Variants in IFNA10 observed in about 807,000 individuals in gnomAD.
IFNA10 encodes interferon alpha-10.
For missense variants in IFNA10, 246 were observed against 213.0 expected (o/e 1.15, Z -0.96); for synonymous variants, 96 against 83.7 (o/e 1.15, Z -0.80).
At position 21,206,490 on chromosome 9, in the gene IFNA10, A is replaced by G; in HGVS notation, c.*38T>C. 1.2e-6 allele frequency: 2 copies of G among 1,608,846 alleles called. No homozygotes were observed. The highest frequency in any genetic ancestry group is 1.7e-6 in the Non-Finnish European group (2 of 1,178,818). The stretch of plus-strand genomic sequence containing the variant: ...AACTCATGAAAGTGTGAGATAATGT[A>G]TTAGTCAATCAGGATCATTGCCATG... On this transcript the variant is annotated 3_prime_UTR_variant, in exon 1 of 1. Coordinates refer to ENST00000357374, the MANE Select transcript of IFNA10 (RefSeq NM_002171.2).
Position 21,206,595 on chromosome 9 carries a change from C to G in IFNA10, c.503G>C (p.Arg168Thr), listed in dbSNP as rs371957607. 6.2e-7 allele frequency: 1 copy of G among 1,613,814 alleles called. No homozygotes were observed. Among genetic ancestry groups the G allele is most frequent in the Non-Finnish European group, 8.5e-7 (1 of 1,180,020 alleles). Residue 168 changes from arginine to threonine, a missense_variant, in exon 1 of 1, where the codon AGA (arginine) becomes ACA (threonine). Physicochemically the swap from Arg to Thr is moderately conservative, Grantham distance 71 (BLOSUM62 -1). Transcript: ENST00000357374. ...CGAGAGGGATCTCATGATTTCTGCT[C>G]TGACAACCTCCCAGGCACAAGGGCT... ...KYSPCAWEVV[R>T]AEIMRSLSFS... is the part of the protein sequence containing the mutation.
In IFNA10 at chr9:21,206,891, G is replaced by C. The variant is rs1398438828; in HGVS notation, c.207C>G (p.Asn69Lys). 6.2e-7 allele frequency: 1 copy of C among 1,613,788 alleles called. No homozygotes were observed. Among genetic ancestry groups the C allele is most frequent in the Non-Finnish European group, 8.5e-7 (1 of 1,179,952 alleles). ...AGATGGCTTGAGCCTTCTGGAACTG[G>C]TTGCCATCAAACTCCTCCTGGGGGA... The part of the protein sequence containing the change: ...FRIPQEEFDG[N>K]QFQKAQAISV... Residue 69 changes from asparagine to lysine, a missense_variant, in exon 1 of 1, where the codon AAC becomes AAG. Coordinates refer to ENST00000357374, the MANE Select transcript of IFNA10 (RefSeq NM_002171.2).
rs1042476344 is a variant in IFNA10 at position 21,206,732 on chromosome 9, A to G, written c.366T>C (p.Cys122=). Reference sequence around the variant, plus strand: ...CTTCCACCCCAACCTCCTGTATCACACATGCTTCCAGGTCATTCAGTTGCT... The same window carrying G: ...CTTCCACCCCAACCTCCTGTATCACGCATGCTTCCAGGTCATTCAGTTGCT... The part of the protein sequence containing the change: ...LYQQLNDLEA[C]VIQEVGVEET... The change falls in exon 1 of 1, where the codon TGT becomes TGC. Residue 122 remains cysteine (C), a synonymous_variant. Coordinates refer to ENST00000357374, the MANE Select transcript of IFNA10 (RefSeq NM_002171.2). 16 of 1,613,282 alleles carry G rather than the reference A, an allele frequency of 9.9e-6. No homozygotes were observed. In the African/African-American group the frequency reaches 1.3e-4, roughly 14 times the overall value.
chr9:21,206,409 T>A lies in IFNA10; in HGVS notation c.*119A>T, dbSNP rs1049890870. On this transcript the variant is annotated 3_prime_UTR_variant, in exon 1 of 1. Coordinates refer to ENST00000357374, the MANE Select transcript of IFNA10 (RefSeq NM_002171.2). ...CACTTCTTTACACTGCTGAAAACAT[T>A]TGAAAATTTTGATTCAACGCGTCGT... 7.2e-6 allele frequency: 11 copies of A among 1,525,704 alleles called. No homozygotes were observed. The African/African-American group carries it at 1.4e-4, about 19-fold the overall frequency. The allele number at this position is 1,525,704 out of a possible 1,614,324, so 94.5% of individuals were successfully genotyped here.
chr9:21,207,094 C>T lies in IFNA10; in HGVS notation c.4G>A (p.Ala2Thr), dbSNP rs771767771. Residue 2 changes from alanine to threonine, a missense_variant, in exon 1 of 1, where the codon GCC becomes ACC. By Grantham distance (58) the Ala-to-Thr change is moderately conservative (BLOSUM62 0). Transcript: ENST00000357374. MALSFSLLMAVL... is the reference protein window; with the variant it reads MTLSFSLLMAVL... ...GCCATAAGTAAAGAAAAGGACAGGG[C>T]CATTGGGATGTTGCAAATATTGCTA... 1 of 1,596,470 alleles carries T rather than the reference C, an allele frequency of 6.3e-7. No homozygotes were observed. The highest frequency in any genetic ancestry group is 1.8e-5 in the Admixed American group (1 of 56,258).
Position 21,206,719 on chromosome 9 carries a change from C to A in IFNA10, c.379G>T (p.Val127Phe). Residue 127 changes from valine (V) to phenylalanine (F), a missense_variant, in exon 1 of 1, where the codon GTT becomes TTT. Transcript: ENST00000357374. ...NDLEACVIQE[V>F]GVEETPLMNE... ...ATCAGGGGAGTCTCTTCCACCCCAA[C>A]CTCCTGTATCACACATGCTTCCAGG... 1.9e-6 allele frequency: 3 copies of A among 1,613,622 alleles called. No homozygotes were observed. Among genetic ancestry groups the A allele is most frequent in the South Asian group, 2.2e-5 (2 of 91,052 alleles).
rs1482500622 is a variant in IFNA10 at position 21,206,381 on chromosome 9, C to A, written c.*147G>T. 66 of 1,332,904 alleles carry A rather than the reference C, an allele frequency of 5.0e-5. No individual in the cohort carries two copies. Among genetic ancestry groups the A allele is most frequent in the Non-Finnish European group, 6.7e-5 (65 of 971,274 alleles). 82.6% of individuals were successfully genotyped at this position (1,332,904 alleles called of 1,614,324 possible). A position where few individuals can be genotyped will look rare whatever the true frequency, so the allele number is the denominator to read the frequency against. ...GGACTAGTGCCTGCACAGGTATACA[C>A]GACACTTCTTTACACTGCTGAAAAC... is the stretch of plus-strand genomic sequence containing the variant. On this transcript the variant is annotated 3_prime_UTR_variant, in exon 1 of 1. Coordinates refer to ENST00000357374, the MANE Select transcript of IFNA10 (RefSeq NM_002171.2).
chr9:21,207,025 C>A lies in IFNA10; in HGVS notation c.73G>T (p.Asp25Tyr), dbSNP rs1462992393. ...SYKSICSLGC[D>Y]LPQTHSLGNR... ...CCCAGGCTGTGGGTCTGAGGCAGAT[C>A]ACAGCCTAGAGAACAGATGGATTTG... The change falls in exon 1 of 1, where the codon GAT (aspartate) becomes TAT (tyrosine). Residue 25 changes from aspartate to tyrosine, a missense_variant. By Grantham distance (160) the Asp-to-Tyr change is radical. Transcript: ENST00000357374. 6.2e-7 allele frequency: 1 copy of A among 1,612,512 alleles called. No individual in the cohort carries two copies. Among genetic ancestry groups the A allele is most frequent in the South Asian group, 1.1e-5 (1 of 91,020 alleles).
In IFNA10 at chr9:21,207,078, A is replaced by G; in HGVS notation, c.20T>C (p.Leu7Ser). The change falls in exon 1 of 1, where the codon TTA becomes TCA. Residue 7 changes from leucine to serine, a missense_variant. Leu to Ser is a moderately radical substitution (Grantham distance 145). Transcript: ENST00000357374. Reference protein sequence around the residue: MALSFSLLMAVLVLSYK... With the variant: MALSFSSLMAVLVLSYK... The stretch of plus-strand genomic sequence containing the variant: ...GCTGAGCACCAGCACGGCCATAAGT[A>G]AAGAAAAGGACAGGGCCATTGGGAT... 2 of 1,609,684 alleles carry G rather than the reference A, an allele frequency of 1.2e-6. No individual in the cohort carries two copies. Among genetic ancestry groups the G allele is most frequent in the African/African-American group, 1.3e-5 (1 of 74,548 alleles).
Position 21,206,233 on chromosome 9 carries a change from G to A in IFNA10, c.*295C>T, listed in dbSNP as rs1208739033. 6.0e-5 allele frequency: 13 copies of A among 216,050 alleles called. No individual in the cohort carries two copies. 13.4% of individuals were successfully genotyped at this position (216,050 alleles called of 1,614,324 possible). ...AATTAATATATTGGCTAAATATGAAGAACATATATTGTTACATTAACCACA... is the reference window on the plus strand; with the variant it reads ...AATTAATATATTGGCTAAATATGAAAAACATATATTGTTACATTAACCACA... On this transcript the variant is annotated 3_prime_UTR_variant, in exon 1 of 1. Transcript: ENST00000357374.
Position 21,206,325 on chromosome 9 carries a change from G to A in IFNA10, c.*203C>T. The A allele has an allele frequency of 3.5e-6, 2 of 568,258 alleles. No homozygotes were observed. Among genetic ancestry groups the A allele is most frequent in the Non-Finnish European group, 2.8e-6 (1 of 353,520 alleles). 35.2% of individuals were successfully genotyped at this position (568,258 alleles called of 1,614,324 possible). On this transcript the variant is annotated 3_prime_UTR_variant, in exon 1 of 1. Transcript: ENST00000357374. Reference sequence around the variant, plus strand: ...TTAAATAAATATTTAAACAAAAGATGAACAGAGACATCAGAATGGTCATCT... The same window carrying A: ...TTAAATAAATATTTAAACAAAAGATAAACAGAGACATCAGAATGGTCATCT...
At position 21,206,349 on chromosome 9, in the gene IFNA10, C is replaced by T. The variant is rs1818268590; in HGVS notation, c.*179G>A. The T allele has an allele frequency of 3.6e-6, 3 of 829,156 alleles. No homozygotes were observed. Among genetic ancestry groups the T allele is most frequent in the Non-Finnish European group, 5.4e-6 (3 of 553,208 alleles). 51.4% of individuals were successfully genotyped at this position (829,156 alleles called of 1,614,324 possible). ...TGAACAGAGACATCAGAATGGTCATCTGTAAAGGACTAGTGCCTGCACAGG... is the reference window on the plus strand; with the variant it reads ...TGAACAGAGACATCAGAATGGTCATTTGTAAAGGACTAGTGCCTGCACAGG... On this transcript the variant is annotated 3_prime_UTR_variant, in exon 1 of 1. Transcript: ENST00000357374.
In IFNA10 at chr9:21,206,469, C is replaced by G. The variant is rs568586471; in HGVS notation, c.*59G>C. ...AGTGAGTCTTTGAAATGGAAGAACT[C>G]ATGAAAGTGTGAGATAATGTATTAG... On this transcript the variant is annotated 3_prime_UTR_variant, in exon 1 of 1. Transcript: ENST00000357374. 2.5e-6 allele frequency: 4 copies of G among 1,591,400 alleles called. No homozygotes were observed. Among genetic ancestry groups the G allele is most frequent in the South Asian group, 2.3e-5 (2 of 86,938 alleles).
rs10113876 is a variant in IFNA10 at position 21,207,006 on chromosome 9, C to G, written c.92G>C (p.Ser31Thr). ...TATCAAGGCCCTCCTATTACCCAGG[C>G]TGTGGGTCTGAGGCAGATCACAGCC... ...SLGCDLPQTH[S>T]LGNRRALILL... The change falls in exon 1 of 1, where the codon AGC becomes ACC. Residue 31 changes from serine (S) to threonine (T), a missense_variant. By Grantham distance (58) the Ser-to-Thr change is moderately conservative. Coordinates refer to ENST00000357374, the MANE Select transcript of IFNA10 (RefSeq NM_002171.2). 0.23 allele frequency: 352,359 copies of G among 1,565,108 alleles called. 48,087 individuals are homozygous for G. The highest frequency in any genetic ancestry group is 0.54 in the East Asian group (23,937 of 44,510).
chr9:21,206,890 G>A, the IFNA10 span: 1 of 1,613,810 alleles, frequency 6.2e-7, no homozygotes, highest in East Asian at 2.2e-5. Context: ...TTCTGGAACT[G>A]GTTGCCATCA....
Position 21,206,999 on chromosome 9 carries a change from A to T in IFNA10, c.99T>A (p.Gly33=), listed in dbSNP as rs758399361. 17 of 1,613,540 alleles carry T rather than the reference A, an allele frequency of 1.1e-5. No individual in the cohort carries two copies. In the South Asian group the frequency reaches 1.9e-4, roughly 18 times the overall value. ...GCDLPQTHSL[G]NRRALILLGQ... ...CCAGGAGTATCAAGGCCCTCCTATT[A>T]CCCAGGCTGTGGGTCTGAGGCAGAT... is the stretch of plus-strand genomic sequence containing the variant. Residue 33 remains glycine (G), a synonymous_variant, in exon 1 of 1, where the codon GGT becomes GGA. Coordinates refer to ENST00000357374, the MANE Select transcript of IFNA10 (RefSeq NM_002171.2).
At position 21,206,503 on chromosome 9, in the gene IFNA10, G is replaced by A. The variant is rs1303836479; in HGVS notation, c.*25C>T. The A allele has an allele frequency of 6.2e-7, 1 of 1,612,038 alleles. No homozygotes were observed. Among genetic ancestry groups the A allele is most frequent in the Admixed American group, 1.7e-5 (1 of 59,792 alleles). ...GTGAGATAATGTATTAGTCAATCAG[G>A]ATCATTGCCATGTTGAACCAGTTTT... On this transcript the variant is annotated 3_prime_UTR_variant, in exon 1 of 1. Transcript: ENST00000357374.
rs746398984 is a variant in IFNA10, at chr9:21,206,955, G to C, written c.143C>G (p.Ser48Cys). The change falls in exon 1 of 1, where the codon TCT becomes TGT. Residue 48 changes from serine to cysteine, a missense_variant. By Grantham distance (112) the Ser-to-Cys change is moderately radical. Transcript: ENST00000357374. ...TCTGTCCTTCAGGCAGGAGAAAGGA[G>C]AGATTCTTCCCATTTGTCCCAGGAG... The part of the protein sequence containing the change: ...LILLGQMGRI[S>C]PFSCLKDRHD... 195 of 1,613,782 alleles carry C rather than the reference G, an allele frequency of 1.2e-4. No homozygotes were observed. The highest frequency in any genetic ancestry group is 1.6e-4 in the Non-Finnish European group (183 of 1,180,014).
In IFNA10 at chr9:21,206,788, G is replaced by C. The variant is rs1372700631; in HGVS notation, c.310C>G (p.Leu104Val). 6.2e-7 allele frequency: 1 copy of C among 1,612,698 alleles called. No homozygotes were observed. Among genetic ancestry groups the C allele is most frequent in the Non-Finnish European group, 8.5e-7 (1 of 1,179,444 alleles). The change falls in exon 1 of 1, where the codon CTC becomes GTC. Residue 104 changes from leucine to valine, a missense_variant. Leu to Val is a conservative substitution (Grantham distance 32). Transcript: ENST00000357374. ...AGTTCAGTGGAAAATTTTTCTAGGAGGCTCTGTTCCCAAGCAGCAGATGAG... is the reference window on the plus strand; with the variant it reads ...AGTTCAGTGGAAAATTTTTCTAGGACGCTCTGTTCCCAAGCAGCAGATGAG... Reference protein sequence around the residue: ...EDSSAAWEQSLLEKFSTELYQ... With the variant: ...EDSSAAWEQSVLEKFSTELYQ...
Sources: gnomAD v4.1 joint callset for allele counts on GRCh38, gnomAD v4.1.1 for gene constraint, MANE v1.5 for transcripts, NCBI Gene and HGNC (gene_info 2026-07-23, HGNC 2026-07-21) for gene names.